SLCO1C1: variants seen among roughly 807,000 people sequenced by gnomAD.
SLCO1C1 encodes OAT-RP-5.
Under a neutral mutation model 76.4 loss-of-function variants are expected in SLCO1C1, and 70 were observed. The ratio of observed to expected loss-of-function variants is 0.92; its 90% CI spans 0.76 to 1.12. The LOEUF is 1.12. SLCO1C1 is among the 50% of genes most tolerant of loss of function. The pLI is 0.00. For missense variants in SLCO1C1, 912 were observed against 823.8 expected (o/e 1.11, Z -1.31); for synonymous variants, 306 against 286.1 (o/e 1.07, Z -0.70).
At chr12:20,703,009 G>A (rs1310137156) in intron 3 of SLCO1C1, among the ~76,000 whole-genome samples, 5 of 151,760 alleles carry the variant, frequency 3.3e-5, no homozygotes, top group Admixed American at 3.3e-4. Flanking sequence ...AGAAAACCAT[G>A]ACTCCAAATT....
At chr12:20,737,375 C>A (rs947563835) in intron 11 of SLCO1C1, 103 bp downstream of exon 11, 11 of 1,192,672 alleles carry the variant, frequency 9.2e-6, no homozygotes, top group African/African-American at 1.6e-5. Flanking sequence ...GGAGGCTTGC[C>A]TCTTACCTCT....
intron 13 of SLCO1C1, among the ~76,000 whole-genome samples, chr12:20,745,029 T>C (rs193215537): frequency 9.2e-4 from 140 of 152,280 alleles, no homozygotes; most frequent in African/African-American, 3.3e-3. Context: ...TATGGTGTTT[T>C]TGGTGTTACA....
rs1300805342 is a variant in SLCO1C1, at chr12:20,752,849, A to G, written c.*321A>G. On this transcript the variant is annotated 3_prime_UTR_variant, in exon 15 of 15. Coordinates refer to ENST00000266509, the MANE Select transcript of SLCO1C1 (RefSeq NM_017435.5). ...AGAACAATTGTCTCTATTGTCACACATGGTTATATTTAAAGTAATTTCTGA... is the reference window on the plus strand; with the variant it reads ...AGAACAATTGTCTCTATTGTCACACGTGGTTATATTTAAAGTAATTTCTGA... 1 of 171,718 alleles carries G rather than the reference A, an allele frequency of 5.8e-6. No homozygotes were observed. Among genetic ancestry groups the G allele is most frequent in the Non-Finnish European group, 1.2e-5 (1 of 80,972 alleles). The allele number at this position is 171,718 out of a possible 1,614,324, so 10.6% of individuals were successfully genotyped here. A position where few individuals can be genotyped will look rare whatever the true frequency, so the allele number is the denominator to read the frequency against.
intron 1 of SLCO1C1, 104 bp from the exon 2 acceptor site, chr12:20,699,448 C>A: frequency 1.1e-6 from 1 of 936,990 alleles, no homozygotes; most frequent in Non-Finnish European, 1.5e-6. Flanking sequence ...AAGGTAGATT[C>A]ACTTTAAATT....
Position 20,705,999 on chromosome 12 carries a change from A to C in SLCO1C1, c.322A>C (p.Arg108=). The change falls in exon 4 of 15, where the codon AGG becomes CGG. Residue 108 remains arginine (R), a synonymous_variant. Coordinates refer to ENST00000266509, the MANE Select transcript of SLCO1C1 (RefSeq NM_017435.5). The part of the protein sequence containing the change: ...FVSYFGAKLH[R]PKIIGAGCVI... ...TAGCTACTTTGGAGCCAAACTTCAC[A>C]GGCCAAAAATAATTGGAGCAGGGTG... 1 of 1,613,506 alleles carries C rather than the reference A, an allele frequency of 6.2e-7. No individual in the cohort carries two copies. Among genetic ancestry groups the C allele is most frequent in the Non-Finnish European group, 8.5e-7 (1 of 1,179,512 alleles).
intron 9 of SLCO1C1, among the ~76,000 whole-genome samples, chr12:20,731,672 A>C (rs1263641317): frequency 3.3e-5 from 5 of 152,346 alleles, no homozygotes; most frequent in African/African-American, 7.2e-5. Context: ...ATGAGAAATA[A>C]ATTCTAATTA....
chr12:20,726,662 T>C (rs1948015946), intron 9 of SLCO1C1, among the ~76,000 whole-genome samples: 1 of 152,094 alleles, frequency 6.6e-6, no homozygotes, highest in Admixed American at 6.5e-5. Flanking sequence ...GCAGCTAGAT[T>C]TTCATTTTTT....
chr12:20,701,573 T>A, intron 3 of SLCO1C1, 114 bp downstream of exon 3: 1 of 397,636 alleles, frequency 2.5e-6, no homozygotes, highest in Non-Finnish European at 3.2e-6. Flanking sequence ...TCATAAAATC[T>A]TTTTTTTTTT....
chr12:20,712,250 T>C (rs1947144757), intron 5 of SLCO1C1, among the ~76,000 whole-genome samples: 1 of 152,206 alleles, frequency 6.6e-6, no homozygotes, highest in South Asian at 2.1e-4. Flanking sequence ...CTGATGCATA[T>C]GACACAGCAA....
At chr12:20,717,569 T>G (rs1385247453) in intron 7 of SLCO1C1, among the ~76,000 whole-genome samples, 2 of 150,756 alleles carry the variant, frequency 1.3e-5, no homozygotes, top group Admixed American at 6.6e-5. Flanking sequence ...TTTTTTATAG[T>G]TACATCAATT....
rs1947301503 is a variant in SLCO1C1, at chr12:20,715,100, T to G, written c.530-39T>G. On this transcript the variant is annotated intron_variant, in intron 5 of 14. Transcript: ENST00000266509. The stretch of plus-strand genomic sequence containing the variant: ...CAGAATAAATACTTAACTTTTAAAG[T>G]GATCTATTTTCAATCCTCTGGTTTG... 3 of 1,610,678 alleles carry G rather than the reference T, an allele frequency of 1.9e-6. No homozygotes were observed. The East Asian group carries it at 6.7e-5, about 36-fold the overall frequency.
chr12:20,721,819 C>T lies in SLCO1C1; in HGVS notation c.791C>T (p.Thr264Ile), dbSNP rs770797724. ...GFVNLDHITI[T>I]PKDPQWVGAW... ...TGTCTTTCAGATCACATAACCATTA[C>T]CCCAAAAGATCCCCAGTGGGTAGGA... The change falls in exon 8 of 15, where the codon ACC (threonine) becomes ATC (isoleucine). Residue 264 changes from threonine to isoleucine, a missense_variant. Transcript: ENST00000266509. The T allele has an allele frequency of 4.3e-6, 7 of 1,613,978 alleles. No homozygotes were observed. The highest frequency in any genetic ancestry group is 5.1e-6 in the Non-Finnish European group (6 of 1,180,010).
rs1007443107 is a variant in SLCO1C1, at chr12:20,695,610, G to T, written c.-223G>T. On this transcript the variant is annotated 5_prime_UTR_variant, in exon 1 of 15. It adds an upstream start codon to the 5' untranslated region. Coordinates refer to ENST00000266509, the MANE Select transcript of SLCO1C1 (RefSeq NM_017435.5). ...AAGAGGAAAGAGAAGAGATCGCTCA[G>T]GGGTGAGACCATGCCCTTCATCTTT... 6.6e-6 allele frequency: 1 copy of T among 152,104 alleles called. No individual in the cohort carries two copies. The highest frequency in any genetic ancestry group is 2.4e-5 in the African/African-American group (1 of 41,418). The allele number at this position is 152,104 out of a possible 1,614,324, so 9.4% of individuals were successfully genotyped here. A position where few individuals can be genotyped will look rare whatever the true frequency, so the allele number is the denominator to read the frequency against.
chr12:20,697,060 C>T (rs1015816084), intron 1 of SLCO1C1: 2 of 151,856 alleles, frequency 1.3e-5, no homozygotes, highest in Non-Finnish European at 2.9e-5. Flanking sequence ...TTAAAATGTG[C>T]TATAGTATCT....
chr12:20,703,955 CTGTGTGTGTGTGTG>C (rs146325219), intron 3 of SLCO1C1, among the ~76,000 whole-genome samples: 2 of 140,272 alleles, frequency 1.4e-5, no homozygotes, highest in African/African-American at 2.6e-5. Flanking sequence ...TCGAGTGTGT[CTGTGTGTGTGTGTG>C]TGTGTGTGTG....
At chr12:20,719,015 A>G (rs369322584) in intron 7 of SLCO1C1, among the ~76,000 whole-genome samples, 8 of 152,000 alleles carry the variant, frequency 5.3e-5, no homozygotes, top group Admixed American at 4.6e-4. Flanking sequence ...GAGCAAGTCT[A>G]TAGGCACTAT....
intron 1 of SLCO1C1, among the ~76,000 whole-genome samples, chr12:20,698,344 T>A (rs1044311251): frequency 6.6e-6 from 1 of 152,010 alleles, no homozygotes; most frequent in Non-Finnish European, 1.5e-5. Context: ...CTAATAATAA[T>A]TTTTTTGAAA....
At chr12:20,702,820 A>G (rs1416480437) in intron 3 of SLCO1C1, among the ~76,000 whole-genome samples, 1 of 151,848 alleles carries the variant, frequency 6.6e-6, no homozygotes, top group Non-Finnish European at 1.5e-5. Flanking sequence ...AACATTATAT[A>G]TCATGATGTT....
chr12:20,724,570 T>A (rs970708930), intron 9 of SLCO1C1, among the ~76,000 whole-genome samples: 1 of 148,142 alleles, frequency 6.8e-6, no homozygotes, highest in Non-Finnish European at 1.5e-5. Context: ...AGCTAATAAC[T>A]ATACTAAACT....
Sources: gnomAD v4.1 joint callset for allele counts (sites outside exome capture counted in the v4.1 genomes callset) on GRCh38, gnomAD v4.1.1 for gene constraint, MANE v1.5 for transcripts, NCBI Gene and HGNC (gene_info 2026-07-23, HGNC 2026-07-21) for gene names.